Variants in EHBP1 observed in about 807,000 individuals in gnomAD.
The protein encoded by EHBP1 is EH domain binding protein 1, also known as EH domain-binding protein 1.
Under a neutral mutation model 144.0 loss-of-function variants are expected in EHBP1, and 55 were observed. That is an observed-to-expected ratio of 0.38 (90% CI 0.31 to 0.48). The LOEUF (loss-of-function observed/expected upper bound fraction) is 0.48, where lower values mean the gene tolerates loss of function less well. EHBP1 is among the 20% of genes least tolerant of loss of function. The probability of loss-of-function intolerance (pLI) is 0.98; values close to 1 mark genes in which losing one functional copy is unlikely to be tolerated. For missense variants in EHBP1, 1,200 were observed against 1,364.2 expected, an observed-to-expected ratio of 0.88 and a Z score of 1.90; for synonymous variants, 469 against 472.7, an observed-to-expected ratio of 0.99 and a Z score of 0.10.
chr2:62,819,559 T>A (rs2045727826), intron 5 of EHBP1, among the ~76,000 whole-genome samples: 1 of 150,564 alleles, frequency 6.6e-6, no homozygotes, highest in Admixed American at 6.6e-5. Flanking sequence ...GGTGTGGGAG[T>A]TTGAGACCAG....
intron 10 of EHBP1, among the ~76,000 whole-genome samples, chr2:62,921,994 G>C (rs1297032993): frequency 6.6e-6 from 1 of 152,132 alleles, no homozygotes; most frequent in Non-Finnish European, 1.5e-5. Flanking sequence ...GGCCAAGATG[G>C]TGAAAACCCG....
At position 62,943,869 on chromosome 2, in the gene EHBP1, G is replaced by GA; in HGVS notation, c.1413+24dup. 1 of 1,579,246 alleles carries GA rather than the reference G, an allele frequency of 6.3e-7. No homozygotes were observed. The highest frequency in any genetic ancestry group is 8.7e-7 in the Non-Finnish European group (1 of 1,154,630). On this transcript the variant is annotated intron_variant, in intron 12 of 22. Coordinates refer to ENST00000431489, the MANE Select transcript of EHBP1 (RefSeq NM_001142616.3). ...CAAAAAGGTAAGAATTGATGAGCAA[G>GA]AAAAATACGTAGTTTCAATTTTGGC...
At chr2:62,847,102 G>A (rs1472485032) in intron 7 of EHBP1, among the ~76,000 whole-genome samples, 1 of 152,176 alleles carries the variant, frequency 6.6e-6, no homozygotes, top group Non-Finnish European at 1.5e-5. Context: ...AATCAAGATA[G>A]TGTCAAATTG....
At chr2:62,940,934 T>C (rs535373694) in intron 10 of EHBP1, among the ~76,000 whole-genome samples, 6 of 152,184 alleles carry the variant, frequency 3.9e-5, no homozygotes, top group Non-Finnish European at 8.8e-5. Flanking sequence ...GAAAGCCATC[T>C]AGATCATAAT....
At chr2:62,791,943 G>C (rs916187842) in intron 5 of EHBP1, among the ~76,000 whole-genome samples, 1 of 151,934 alleles carries the variant, frequency 6.6e-6, no homozygotes, top group Non-Finnish European at 1.5e-5. Context: ...ATAACACTCA[G>C]CAGCAATACT....
chr2:62,854,119 G>A (rs1456210497), intron 7 of EHBP1, among the ~76,000 whole-genome samples: 2 of 152,150 alleles, frequency 1.3e-5, no homozygotes, highest in African/African-American at 4.8e-5. Context: ...AGCTACATTA[G>A]CTTCAGACTT....
At chr2:63,027,508 T>G (rs1312855001) in intron 19 of EHBP1, among the ~76,000 whole-genome samples, 1 of 152,172 alleles carries the variant, frequency 6.6e-6, no homozygotes, top group Admixed American at 6.5e-5. Flanking sequence ...TTCAAGGTGT[T>G]GTGTAATTGT....
At chr2:62,878,313 T>A (rs957442475) in intron 10 of EHBP1, among the ~76,000 whole-genome samples, 1 of 151,928 alleles carries the variant, frequency 6.6e-6, no homozygotes, top group Non-Finnish European at 1.5e-5. Flanking sequence ...TGAAATTGAA[T>A]CAGTAATAAA....
chr2:62,916,887 T>C (rs562343894), intron 10 of EHBP1, among the ~76,000 whole-genome samples: 7 of 151,080 alleles, frequency 4.6e-5, no homozygotes, highest in South Asian at 2.1e-4. Context: ...CAGTATACAA[T>C]TTAATAGCTA....
chr2:62,831,202 A>G (rs755739774), intron 7 of EHBP1, 44 bp downstream of exon 7: 2 of 1,543,638 alleles, frequency 1.3e-6, no homozygotes, highest in South Asian at 1.2e-5. Flanking sequence ...CTTTTGTTGC[A>G]GAGTTCAAAA....
intron 7 of EHBP1, among the ~76,000 whole-genome samples, chr2:62,831,717 A>G (rs1030617169): frequency 3.3e-5 from 5 of 152,306 alleles, no homozygotes; most frequent in African/African-American, 1.2e-4. Flanking sequence ...CAATTTGGCT[A>G]TCACACTTAA....
At chr2:62,794,181 T>A (rs920540862) in intron 5 of EHBP1, among the ~76,000 whole-genome samples, 2 of 152,112 alleles carry the variant, frequency 1.3e-5, no homozygotes, top group Admixed American at 6.6e-5. Flanking sequence ...AATCTTTATT[T>A]TTCTTCACTC....
At chr2:62,920,824 G>A (rs1266924344) in intron 10 of EHBP1, among the ~76,000 whole-genome samples, 3 of 151,852 alleles carry the variant, frequency 2.0e-5, no homozygotes, top group Non-Finnish European at 2.9e-5. Flanking sequence ...CACCATGCCT[G>A]GCTAATTTTT....
chr2:62,968,049 A>G (rs1191335284), intron 14 of EHBP1, among the ~76,000 whole-genome samples: 1 of 152,180 alleles, frequency 6.6e-6, no homozygotes, highest in Admixed American at 6.6e-5. Flanking sequence ...CGTAATGGAT[A>G]CAGTGTGTTT....
chr2:62,860,647 C>A (rs952276678), intron 8 of EHBP1, among the ~76,000 whole-genome samples: 9 of 152,138 alleles, frequency 5.9e-5, no homozygotes, highest in African/African-American at 1.9e-4. Context: ...ATCCTTTTGA[C>A]CACACAACTT....
At chr2:62,771,523 G>A in intron 5 of EHBP1, 131 bp downstream of exon 5, 1 of 640,588 alleles carries the variant, frequency 1.6e-6, no homozygotes, top group South Asian at 2.5e-5. Context: ...GTAGCTTTTA[G>A]AATGTTTTTA....
intron 10 of EHBP1, among the ~76,000 whole-genome samples, chr2:62,931,195 G>T (rs2055958809): frequency 6.6e-6 from 1 of 152,112 alleles, no homozygotes; most frequent in Non-Finnish European, 1.5e-5. Flanking sequence ...AAACAACCCA[G>T]TTCAAAAATA....
At chr2:63,041,490 A>G (rs1463216870) in intron 21 of EHBP1, among the ~76,000 whole-genome samples, 1 of 152,172 alleles carries the variant, frequency 6.6e-6, no homozygotes, top group East Asian at 1.9e-4. Flanking sequence ...TAGAGTTTGA[A>G]GTGGGCGCTC....
At chr2:63,022,727 AC>A in intron 19 of EHBP1, among the ~76,000 whole-genome samples, 1 of 152,292 alleles carries the variant, frequency 6.6e-6, no homozygotes. Context: ...AGAAAACTGA[AC>A]TTATATAGTC....
Sources: allele counts gnomAD v4.1 joint callset (sites outside exome capture counted in the v4.1 genomes callset), GRCh38; gene constraint gnomAD v4.1.1; transcripts MANE v1.5; gene names NCBI Gene and HGNC (gene_info 2026-07-23, HGNC 2026-07-21).